The following PML variants were observed in gnomAD, a reference collection of about 807,000 sequenced individuals.
PML encodes the protein PML nuclear body scaffold, also known as protein PML.
Under a neutral mutation model 65.2 loss-of-function variants are expected in PML, and 28 were observed. That is an observed-to-expected ratio of 0.43 (90% CI 0.32 to 0.59). The LOEUF is 0.59. PML is among the 20% of genes least tolerant of loss of function. The probability of loss-of-function intolerance (pLI) is 0.08; values close to 1 mark genes in which losing one functional copy is unlikely to be tolerated. For missense variants in PML, 1,021 were observed against 1,203.4 expected (o/e 0.85, Z 2.24); for synonymous variants, 500 against 508.8 (o/e 0.98, Z 0.23).
At chr15:73,998,524 G>T (rs2069611752) in intron 2 of PML, 48 bp downstream of exon 2, 1 of 1,489,786 alleles carries the variant, frequency 6.7e-7, no homozygotes. Context: ...GTACCAGGTA[G>T]AGGGCGAGAG....
At chr15:74,022,112 C>T (rs2141830307) in intron 2 of PML, among the ~76,000 whole-genome samples, 1 of 152,280 alleles carries the variant, frequency 6.6e-6, no homozygotes, top group Admixed American at 6.5e-5. Context: ...CATGCGGCAA[C>T]ACACCCGGCT....
At position 74,035,255 on chromosome 15, in the gene PML, G is replaced by T. The variant is rs1314879584; in HGVS notation, c.1710+725G>T. On this transcript the variant is annotated intron_variant, in intron 7 of 8. Transcript: ENST00000268058. This position sits in a 1 kb window ranked among gnomAD's most constrained non-coding sequence, Gnocchi z 4.1. Reference sequence around the variant, plus strand: ...CCCACTCCTCGCCAGCCCACTCCTCGCCAGTCCAGTCTCTGCTGAGAGCAC... The same window carrying T: ...CCCACTCCTCGCCAGCCCACTCCTCTCCAGTCCAGTCTCTGCTGAGAGCAC... The T allele has an allele frequency of 1.2e-6, 2 of 1,612,396 alleles. No individual in the cohort carries two copies. The highest frequency in any genetic ancestry group is 2.2e-5 in the East Asian group (1 of 44,826).
intron 2 of PML, 61 bp from the exon 3 acceptor site, chr15:74,022,767 A>G: frequency 7.5e-7 from 1 of 1,328,108 alleles, no homozygotes; most frequent in East Asian, 2.3e-5. Context: ...TTTAATAACG[A>G]ACGTTTTAAG....
chr15:74,019,843 G>T (rs907055289), intron 2 of PML, among the ~76,000 whole-genome samples: 1 of 152,118 alleles, frequency 6.6e-6, no homozygotes, highest in Non-Finnish European at 1.5e-5. Flanking sequence ...TTCCTTATCA[G>T]TATATAAAGA....
chr15:74,035,650 G>C lies in PML; in HGVS notation c.1710+1120G>C. 6.2e-7 allele frequency: 1 copy of C among 1,613,996 alleles called. No individual in the cohort carries two copies. Among genetic ancestry groups the C allele is most frequent in the Non-Finnish European group, 8.5e-7 (1 of 1,180,020 alleles). Reference sequence around the variant, plus strand: ...CCCCACCGGATACGAGGGGCTGTGCGATCCCGCAGCCGCTCCCTCCGGGGC... The same window carrying C: ...CCCCACCGGATACGAGGGGCTGTGCCATCCCGCAGCCGCTCCCTCCGGGGC... On this transcript the variant is annotated intron_variant, in intron 7 of 8. Transcript: ENST00000268058. This position sits in a 1 kb window ranked among gnomAD's most constrained non-coding sequence, Gnocchi z 4.1.
At position 74,037,503 on chromosome 15, in the gene PML, C is replaced by T; in HGVS notation, c.1710+2973C>T. The T allele has an allele frequency of 1.0e-6, 1 of 985,238 alleles. No individual in the cohort carries two copies. Among genetic ancestry groups the T allele is most frequent in the Non-Finnish European group, 1.2e-6 (1 of 829,866 alleles). The allele number at this position is 985,238 out of a possible 1,614,324, so 61.0% of individuals were successfully genotyped here. On this transcript the variant is annotated intron_variant, in intron 7 of 8. Coordinates refer to ENST00000268058, the MANE Select transcript of PML (RefSeq NM_033238.3). The surrounding 1 kb of genome is among the most constrained non-coding windows in gnomAD (Gnocchi z 4.2). ...GAGGTCTTTCTCATCTCAGAAAACT[C>T]CACCCACTTCTCTCTCCAGCTGTCG...
chr15:74,044,270 C>T lies in PML; in HGVS notation c.1911C>T (p.Arg637=), dbSNP rs148185755. ...CGGTGAACCGGGAAAGCAAGTTCCGCGTGGTCATCCAGCCTGAAGCCTTCT... is the reference window on the plus strand; with the variant it reads ...CGGTGAACCGGGAAAGCAAGTTCCGTGTGGTCATCCAGCCTGAAGCCTTCT... ...LAAVNRESKF[R]VVIQPEAFFS... Residue 637 remains arginine (R), a synonymous_variant, in exon 9 of 9, where the codon CGC becomes CGT. Transcript: ENST00000268058. 123 of 1,614,016 alleles carry T rather than the reference C, an allele frequency of 7.6e-5. No individual in the cohort carries two copies. In the East Asian group the frequency reaches 2.5e-3, roughly 33 times the overall value.
intron 7 of PML, chr15:74,041,657 A>G (rs1401913084): frequency 6.6e-6 from 1 of 152,172 alleles, no homozygotes; most frequent in Non-Finnish European, 1.5e-5. Context: ...AAATCCAGCC[A>G]CTCCTACAAA....
Position 74,036,985 on chromosome 15 carries a change from A to C in PML, c.1710+2455A>C, listed in dbSNP as rs139331962. Reference sequence around the variant, plus strand: ...CACTCCCCATTTCATCCCATCTTTCATCAGAATTGCAGCTCCCTGCCCAGC... The same window carrying C: ...CACTCCCCATTTCATCCCATCTTTCCTCAGAATTGCAGCTCCCTGCCCAGC... On this transcript the variant is annotated intron_variant, in intron 7 of 8. Transcript: ENST00000268058. 1.6e-3 allele frequency: 1,587 copies of C among 985,254 alleles called. 1 individual carries two copies. The highest frequency in any genetic ancestry group is 1.9e-3 in the Non-Finnish European group (1,539 of 829,898). The allele number at this position is 985,254 out of a possible 1,614,324, so 61.0% of individuals were successfully genotyped here.
chr15:74,013,839 G>GAT (rs2070441110), intron 2 of PML, among the ~76,000 whole-genome samples: 3 of 152,090 alleles, frequency 2.0e-5, no homozygotes, highest in African/African-American at 7.3e-5. Flanking sequence ...GATAAACTCT[G>GAT]TCTTATTTCT....
chr15:74,043,752 C>T lies in PML; in HGVS notation c.1862-469C>T. The T allele has an allele frequency of 1.9e-6, 1 of 530,154 alleles. No individual in the cohort carries two copies. The highest frequency in any genetic ancestry group is 3.7e-6 in the Non-Finnish European group (1 of 267,388). The allele number at this position is 530,154 out of a possible 1,614,324, so 32.8% of individuals were successfully genotyped here. ...TTTCATGGTACAGAAAAGTCATTTG[C>T]AGACCTCAGTGGGAGGCTCTTGGCC... On this transcript the variant is annotated intron_variant, in intron 8 of 8. Transcript: ENST00000268058. The surrounding 1 kb of genome is among the most constrained non-coding windows in gnomAD (Gnocchi z 4.3).
In PML at chr15:74,044,382, G is replaced by A. The variant is rs534126343; in HGVS notation, c.2023G>A (p.Ala675Thr). 2 of 1,614,214 alleles carry A rather than the reference G, an allele frequency of 1.2e-6. No homozygotes were observed. The highest frequency in any genetic ancestry group is 2.2e-5 in the South Asian group (2 of 91,086). ...GAGCTCCATGCGCCGCCCTATCTTG[G>A]CCTGCTACAAGCTGTGGGGGCCTGG... Reference protein sequence around the residue: ...FLSSMRRPILACYKLWGPGLP... With the variant: ...FLSSMRRPILTCYKLWGPGLP... Residue 675 changes from alanine (A) to threonine (T), a missense_variant, in exon 9 of 9, where the codon GCC becomes ACC. By Grantham distance (58) the Ala-to-Thr change is moderately conservative. Transcript: ENST00000268058.
chr15:74,023,269 G>T lies in PML; in HGVS notation c.1044G>T (p.Met348Ile). The T allele has an allele frequency of 6.2e-7, 1 of 1,610,890 alleles. No homozygotes were observed. ...CYASDQEVLD[M>I]HGFLRQALCR... ...CCTCGGACCAGGAGGTGCTGGACAT[G>T]CACGGTTTCCTGCGCCAGGCGCTCT... Residue 348 changes from methionine to isoleucine, a missense_variant, in exon 3 of 9, where the codon ATG becomes ATT. Transcript: ENST00000268058.
At chr15:74,033,835 A>C in intron 6 of PML, 1 of 511,268 alleles carries the variant, frequency 2.0e-6, no homozygotes, top group Non-Finnish European at 3.4e-6. Context: ...GTGTTTCTGC[A>C]AAGGCCACCT....
At chr15:74,019,722 T>C (rs2070751457) in intron 2 of PML, among the ~76,000 whole-genome samples, 2 of 152,344 alleles carry the variant, frequency 1.3e-5, no homozygotes, top group Middle Eastern at 3.4e-3. Context: ...ATAGTTAGCA[T>C]TTATTGAACA....
chr15:74,034,465 T>C lies in PML; in HGVS notation c.1658-13T>C. 1 of 1,614,150 alleles carries C rather than the reference T, an allele frequency of 6.2e-7. No homozygotes were observed. The highest frequency in any genetic ancestry group is 1.7e-5 in the Admixed American group (1 of 60,030). On this transcript the variant is annotated splice_polypyrimidine_tract_variant and intron_variant, in intron 6 of 8. Transcript: ENST00000268058. The stretch of plus-strand genomic sequence containing the variant: ...TAGGCAGTTCATAATGCATCTCCCC[T>C]TCCCCGTTTCAGAGGAACGCGTTGT...
At position 74,047,199 on chromosome 15, in the gene PML, A is replaced by G. The variant is rs979897592; in HGVS notation, c.*2191A>G. 3 of 230,888 alleles carry G rather than the reference A, an allele frequency of 1.3e-5. No individual in the cohort carries two copies. The highest frequency in any genetic ancestry group is 6.6e-5 in the African/African-American group (3 of 45,216). 14.3% of individuals were successfully genotyped at this position (230,888 alleles called of 1,614,324 possible). A position where few individuals can be genotyped will look rare whatever the true frequency, so the allele number is the denominator to read the frequency against. On this transcript the variant is annotated 3_prime_UTR_variant, in exon 9 of 9. Coordinates refer to ENST00000268058, the MANE Select transcript of PML (RefSeq NM_033238.3). ...AGTGACAGGTGGTAAAACCCTTAAA[A>G]AGGGAGGTGTGGGAGGCCCAGGACT... is the stretch of plus-strand genomic sequence containing the variant.
At chr15:74,021,156 T>G (rs1257120157) in intron 2 of PML, among the ~76,000 whole-genome samples, 1 of 152,222 alleles carries the variant, frequency 6.6e-6, no homozygotes, top group Non-Finnish European at 1.5e-5. Context: ...TGCACCAGTT[T>G]TCTCATCCTT....
chr15:74,001,305 C>G (rs2069747952), intron 2 of PML, among the ~76,000 whole-genome samples: 1 of 151,532 alleles, frequency 6.6e-6, no homozygotes, highest in Non-Finnish European at 1.5e-5. Flanking sequence ...GCTTCTTGAA[C>G]TTATAATTCA....
Sources: allele counts gnomAD v4.1 joint callset (sites outside exome capture counted in the v4.1 genomes callset), GRCh38; gene constraint gnomAD v4.1.1; non-coding constraint Gnocchi (gnomAD v3.1); transcripts MANE v1.5; gene names NCBI Gene and HGNC (gene_info 2026-07-23, HGNC 2026-07-21).